Variants in SND1 observed in about 807,000 individuals in gnomAD.
SND1 encodes the protein staphylococcal nuclease and tudor domain containing 1.
SND1 carries 38 observed loss-of-function variants against 121.7 expected under a neutral mutation model. That is an observed-to-expected ratio of 0.31 (90% confidence interval 0.24 to 0.41). SND1 has a LOEUF of 0.41. Ranked by LOEUF, SND1 falls within the 10% of genes least tolerant of loss-of-function variation. SND1 has a pLI of 1.00. For synonymous variants in SND1, 401 were observed against 447.4 expected, an observed-to-expected ratio of 0.90 and a Z score of 1.31; for missense variants, 868 against 1,184.6, an observed-to-expected ratio of 0.73 and a Z score of 3.92.
chr7:127,804,364 G>A (rs1441439138), intron 10 of SND1, among the ~76,000 whole-genome samples: 1 of 152,084 alleles, frequency 6.6e-6, no homozygotes, highest in Non-Finnish European at 1.5e-5. Flanking sequence ...GACTCTGAAG[G>A]TGCCTTGTTT....
chr7:127,997,795 T>A, intron 16 of SND1: 1 of 534,778 alleles, frequency 1.9e-6, no homozygotes, highest in South Asian at 1.4e-5. Context: ...GTTTCTCCCA[T>A]CTCTCAGGTA....
At chr7:127,676,961 C>T (rs193061628) in intron 1 of SND1, among the ~76,000 whole-genome samples, 11 of 152,302 alleles carry the variant, frequency 7.2e-5, no homozygotes, top group Admixed American at 2.0e-4. Flanking sequence ...AGGCTGGTCT[C>T]GAACTCCTGA....
intron 12 of SND1, among the ~76,000 whole-genome samples, chr7:127,885,068 T>G (rs986351782): frequency 2.0e-5 from 3 of 152,084 alleles, no homozygotes; most frequent in African/African-American, 7.2e-5. Flanking sequence ...CTTGTATGAG[T>G]GATCATCCTT....
intron 10 of SND1, among the ~76,000 whole-genome samples, chr7:127,802,284 C>T (rs752594151): frequency 2.0e-5 from 3 of 152,120 alleles, no homozygotes; most frequent in African/African-American, 4.8e-5. Flanking sequence ...AGTTTAAACC[C>T]ATGTCATTCA....
chr7:127,785,109 A>G (rs932104351), intron 10 of SND1, among the ~76,000 whole-genome samples: 2 of 152,122 alleles, frequency 1.3e-5, no homozygotes, highest in Admixed American at 6.5e-5. Flanking sequence ...ATATCTCACT[A>G]TGCTGCTCAG....
At chr7:127,902,628 G>A (rs1359825659) in intron 13 of SND1, among the ~76,000 whole-genome samples, 2 of 152,174 alleles carry the variant, frequency 1.3e-5, no homozygotes, top group Non-Finnish European at 2.9e-5. Flanking sequence ...CTTGAGAATC[G>A]CCTTGGTTGC....
At chr7:127,716,101 T>C (rs1448921105) in intron 9 of SND1, among the ~76,000 whole-genome samples, 1 of 152,240 alleles carries the variant, frequency 6.6e-6, no homozygotes, top group Non-Finnish European at 1.5e-5. Flanking sequence ...CCATGTGGTA[T>C]TGATTACTGT....
At chr7:128,024,471 G>A (rs1418607821) in intron 16 of SND1, among the ~76,000 whole-genome samples, 1 of 152,188 alleles carries the variant, frequency 6.6e-6, no homozygotes, top group African/African-American at 2.4e-5. Flanking sequence ...CTGGCCCCCT[G>A]AGGTAGAAGC....
chr7:128,023,146 G>A (rs569674845), intron 16 of SND1, among the ~76,000 whole-genome samples: 1 of 152,244 alleles, frequency 6.6e-6, no homozygotes, highest in East Asian at 1.9e-4. Context: ...CAGCCCCTTA[G>A]CCTGTGTATC....
chr7:127,731,620 C>T (rs1460679321), intron 10 of SND1, among the ~76,000 whole-genome samples: 1 of 152,208 alleles, frequency 6.6e-6, no homozygotes, highest in Non-Finnish European at 1.5e-5. Flanking sequence ...CTGGTTCTTT[C>T]AGCCTAGACA....
chr7:128,058,383 T>C (rs1793176717), intron 16 of SND1, among the ~76,000 whole-genome samples: 1 of 152,252 alleles, frequency 6.6e-6, no homozygotes, highest in Non-Finnish European at 1.5e-5. Context: ...ATGTTACAGC[T>C]TGAAGAAACT....
At chr7:127,787,638 G>C (rs2116533309) in intron 10 of SND1, among the ~76,000 whole-genome samples, 1 of 152,252 alleles carries the variant, frequency 6.6e-6, no homozygotes, top group East Asian at 1.9e-4. Context: ...TTGAAATTTT[G>C]CTCTTTGTTC....
intron 15 of SND1, among the ~76,000 whole-genome samples, chr7:127,988,543 C>T (rs1384636625): frequency 2.6e-5 from 4 of 152,134 alleles, no homozygotes; most frequent in Non-Finnish European, 5.9e-5. Flanking sequence ...TTGTTTAACA[C>T]CCTGGCCCAC....
chr7:127,942,025 T>A (rs1353377664), intron 15 of SND1, among the ~76,000 whole-genome samples: 1 of 152,026 alleles, frequency 6.6e-6, no homozygotes, highest in East Asian at 1.9e-4. Context: ...ATTTTTCCCT[T>A]TCACGTGGTG....
chr7:127,962,498 A>G (rs756511616), intron 15 of SND1, among the ~76,000 whole-genome samples: 4 of 152,222 alleles, frequency 2.6e-5, no homozygotes, highest in Non-Finnish European at 5.9e-5. Context: ...CGTAGGCTTT[A>G]TCAAATGTAG....
chr7:128,083,900 C>T (rs931234982), intron 18 of SND1, among the ~76,000 whole-genome samples: 1 of 152,172 alleles, frequency 6.6e-6, no homozygotes, highest in Non-Finnish European at 1.5e-5. Context: ...GGGAGAGAAA[C>T]TGAGTAGGCC....
intron 15 of SND1, among the ~76,000 whole-genome samples, chr7:127,961,087 A>G (rs1195620860): frequency 6.6e-6 from 1 of 152,238 alleles, no homozygotes; most frequent in African/African-American, 2.4e-5. Context: ...ATACAGCCCT[A>G]TCATTTTGGA....
At chr7:127,870,210 C>T (rs1799557315) in intron 12 of SND1, among the ~76,000 whole-genome samples, 1 of 152,184 alleles carries the variant, frequency 6.6e-6, no homozygotes, top group Admixed American at 6.5e-5. Flanking sequence ...CCAACTCCAT[C>T]TGCCTTTTTA....
At chr7:128,032,413 G>C (rs1458210579) in intron 16 of SND1, among the ~76,000 whole-genome samples, 1 of 151,660 alleles carries the variant, frequency 6.6e-6, no homozygotes, top group Non-Finnish European at 1.5e-5. Context: ...AGCGTCAAGT[G>C]AGGGGCCGCG....
Sources: allele counts gnomAD v4.1 joint callset (sites outside exome capture counted in the v4.1 genomes callset), GRCh38; gene constraint gnomAD v4.1.1; transcripts MANE v1.5; gene names NCBI Gene and HGNC (gene_info 2026-07-23, HGNC 2026-07-21).